Variants in KIF24 observed in about 807,000 individuals in gnomAD.
KIF24 encodes the protein kinesin family member 24.
Under a neutral mutation model 118.9 loss-of-function variants are expected in KIF24, and 81 were observed. That is an observed-to-expected ratio of 0.68 (90% CI 0.57 to 0.82). The LOEUF (loss-of-function observed/expected upper bound fraction) is 0.82. KIF24 is among the 40% of genes least tolerant of loss of function. The pLI is 0.00. For missense variants in KIF24, 1,560 were observed against 1,661.6 expected (o/e 0.94, Z 1.06); for synonymous variants, 599 against 610.0 (o/e 0.98, Z 0.27).
chr9:34,313,156 C>T (rs574031621), intron 1 of KIF24, among the ~76,000 whole-genome samples: 6 of 152,268 alleles, frequency 3.9e-5, no homozygotes, highest in Admixed American at 1.3e-4. Flanking sequence ...TAATGCTATG[C>T]GACTTCCATG....
At position 34,301,997 on chromosome 9, in the gene KIF24, C is replaced by CTT. The variant is rs778142590; in HGVS notation, c.813+4253_813+4254dup. The stretch of plus-strand genomic sequence containing the variant: ...TTTTTCTATATATGTATTTTTTTTT[C>CTT]TTTTTTTTTTTTTTTGAGACAGAGT... On this transcript the variant is annotated intron_variant, in intron 3 of 12. Coordinates refer to ENST00000402558, the MANE Select transcript of KIF24 (RefSeq NM_194313.4). Among the ~76,000 whole-genome samples the CTT allele has an allele frequency of 2.0e-3, 277 of 137,640 alleles. 12 individuals are homozygous for CTT. Among genetic ancestry groups the CTT allele is most frequent in the Admixed American group, 5.3e-3 (72 of 13,566 alleles). The allele number at this position is 137,640 out of a possible 152,430, so 90.3% of individuals were successfully genotyped here.
intron 4 of KIF24, among the ~76,000 whole-genome samples, chr9:34,292,885 G>A (rs1836308954): frequency 6.6e-6 from 1 of 152,060 alleles, no homozygotes; most frequent in South Asian, 2.1e-4. Flanking sequence ...AACAGTTTAG[G>A]GATGAGCTTT....
At chr9:34,287,264 C>T (rs1288230148) in intron 5 of KIF24, among the ~76,000 whole-genome samples, 1 of 152,190 alleles carries the variant, frequency 6.6e-6, no homozygotes, top group Non-Finnish European at 1.5e-5. Context: ...AATGCTGAAG[C>T]CTGACTGTCC....
intron 6 of KIF24, among the ~76,000 whole-genome samples, chr9:34,281,953 G>A (rs1229803597): frequency 2.6e-5 from 4 of 152,180 alleles, no homozygotes; most frequent in Non-Finnish European, 5.9e-5. Context: ...GCTGGTGGGA[G>A]TATAAAATGG....
At chr9:34,320,590 G>A (rs1479212261) in intron 1 of KIF24, among the ~76,000 whole-genome samples, 1 of 144,918 alleles carries the variant, frequency 6.9e-6, no homozygotes, top group Non-Finnish European at 1.5e-5. Flanking sequence ...CCCAGGAGGC[G>A]GAGGTTGCAG....
intron 3 of KIF24, among the ~76,000 whole-genome samples, chr9:34,302,568 T>C (rs529729248): frequency 1.3e-5 from 2 of 150,856 alleles, no homozygotes; most frequent in Non-Finnish European, 3.0e-5. Flanking sequence ...CAGATTCAAG[T>C]GATTCTCCTG....
chr9:34,265,680 A>G (rs1405675020), intron 8 of KIF24, among the ~76,000 whole-genome samples: 1 of 152,124 alleles, frequency 6.6e-6, no homozygotes. Context: ...TGCGATAAAA[A>G]TCTTGAACTG....
chr9:34,292,284 C>G (rs190382288), intron 4 of KIF24, among the ~76,000 whole-genome samples: 44 of 152,280 alleles, frequency 2.9e-4, no homozygotes, highest in African/African-American at 9.9e-4. Flanking sequence ...ACTGTTTTGT[C>G]TTTTTATCTA....
Position 34,315,375 on chromosome 9 carries a change from C to A in KIF24, c.-25-4004G>T, listed in dbSNP as rs140109857. ...ACTGTACTCATAACTATATTGCAAT[C>A]TATGTTTTAATTTAACATAAACATT... On this transcript the variant is annotated intron_variant, in intron 1 of 12. Coordinates refer to ENST00000402558, the MANE Select transcript of KIF24 (RefSeq NM_194313.4). Among the ~76,000 whole-genome samples the A allele has an allele frequency of 7.9e-5, 12 of 152,114 alleles. No homozygotes were observed. The East Asian group carries it at 2.3e-3, about 29-fold the overall frequency.
At chr9:34,294,405 A>G (rs942653151) in intron 4 of KIF24, among the ~76,000 whole-genome samples, 15 of 152,154 alleles carry the variant, frequency 9.9e-5, no homozygotes, top group Non-Finnish European at 1.8e-4. Flanking sequence ...AAAAATAAAA[A>G]ATTAGCCGGG....
chr9:34,275,898 TTA>T (rs531490791), intron 6 of KIF24, among the ~76,000 whole-genome samples: 85 of 152,272 alleles, frequency 5.6e-4, no homozygotes, highest in Admixed American at 9.8e-4. Flanking sequence ...AATACAAAGA[TTA>T]TCTCCACCTA....
intron 1 of KIF24, among the ~76,000 whole-genome samples, chr9:34,321,226 A>AT (rs527612498): frequency 0.011 from 1,605 of 152,194 alleles, 22 homozygotes; most frequent in African/African-American, 0.032. Context: ...GTTAAATAAG[A>AT]TTTTTATTTC....
At chr9:34,317,304 C>A (rs539839996) in intron 1 of KIF24, among the ~76,000 whole-genome samples, 1 of 151,884 alleles carries the variant, frequency 6.6e-6, no homozygotes, top group African/African-American at 2.4e-5. Context: ...GTAGGAGAAT[C>A]ACTTGACCGT....
rs1048020787 is a variant in KIF24, at chr9:34,282,908, T to A, written c.1215+3709A>T. Among the ~76,000 whole-genome samples, 236 of 148,908 alleles carry A rather than the reference T, an allele frequency of 1.6e-3. 1 individual carries two copies. The highest frequency in any genetic ancestry group is 5.6e-3 in the African/African-American group (226 of 40,318). On this transcript the variant is annotated intron_variant, in intron 6 of 12. Coordinates refer to ENST00000402558, the MANE Select transcript of KIF24 (RefSeq NM_194313.4). ...CTCTACTAAAAATACAAAAATTAGG[T>A]GGGCATGGTGGCAGGAGCCTGTAAT...
chr9:34,311,608 C>T (rs1291202304), intron 1 of KIF24, among the ~76,000 whole-genome samples: 1 of 150,736 alleles, frequency 6.6e-6, no homozygotes, highest in Non-Finnish European at 1.5e-5. Flanking sequence ...TGTTAATTTG[C>T]TTAATAAAAA....
At chr9:34,317,187 C>T (rs1192225190) in intron 1 of KIF24, among the ~76,000 whole-genome samples, 7 of 150,866 alleles carry the variant, frequency 4.6e-5, no homozygotes, top group Non-Finnish European at 1.5e-5. Context: ...CATTGCACTC[C>T]AGTCTGGGCA....
upstream of KIF24, among the ~76,000 whole-genome samples, chr9:34,333,047 C>T (rs890321003): frequency 2.6e-5 from 4 of 152,096 alleles, no homozygotes; most frequent in Non-Finnish European, 5.9e-5. Context: ...TGGCTTTCCT[C>T]CTCATCTGGA....
intron 8 of KIF24, among the ~76,000 whole-genome samples, chr9:34,263,414 C>A (rs10814085): frequency 5.5e-4 from 83 of 152,064 alleles, no homozygotes; most frequent in African/African-American, 1.9e-3. Flanking sequence ...CCTAGGACTG[C>A]CCCTGAGTTG....
chr9:34,290,334 T>C lies in KIF24; in HGVS notation c.967A>G (p.Met323Val), dbSNP rs769674733. ...CCTGGGTTCTCATGAGTTCCTATCATGGTGTAGGTCTTTCCAGCACCTGTC... is the reference window on the plus strand; with the variant it reads ...CCTGGGTTCTCATGAGTTCCTATCACGGTGTAGGTCTTTCCAGCACCTGTC... ...GQTGAGKTYTMIGTHENPGLY... is the reference protein window; with the variant it reads ...GQTGAGKTYTVIGTHENPGLY... The change falls in exon 5 of 13, where the codon ATG becomes GTG. Residue 323 changes from methionine (M) to valine (V), a missense_variant. By Grantham distance (21) the Met-to-Val change is conservative (BLOSUM62 1). Coordinates refer to ENST00000402558, the MANE Select transcript of KIF24 (RefSeq NM_194313.4). 3 of 1,613,842 alleles carry C rather than the reference T, an allele frequency of 1.9e-6. No homozygotes were observed. The highest frequency in any genetic ancestry group is 1.1e-5 in the South Asian group (1 of 91,078).
Sources: gnomAD v4.1 joint callset for allele counts (sites outside exome capture counted in the v4.1 genomes callset) on GRCh38, gnomAD v4.1.1 for gene constraint, MANE v1.5 for transcripts, NCBI Gene and HGNC (gene_info 2026-07-23, HGNC 2026-07-21) for gene names.